Variants in CCDC92B observed in about 807,000 individuals in gnomAD.
CCDC92B encodes the protein coiled-coil domain-containing 92B.
Under a neutral mutation model 5.6 loss-of-function variants are expected in CCDC92B, and 2 were observed. The observed-to-expected ratio is 0.36, with a 90% CI of 0.15 to 1.12. CCDC92B has a LOEUF of 1.12. Among genes scored for constraint, CCDC92B ranks in the 50% most tolerant of loss-of-function variants. CCDC92B has a pLI of 0.40. For synonymous variants in CCDC92B, 115 were observed against 122.3 expected, an observed-to-expected ratio of 0.94 and a Z score of 0.39; for missense variants, 271 against 262.2, an observed-to-expected ratio of 1.03 and a Z score of -0.23.
Position 2,723,994 on chromosome 17 carries a change from T to C in CCDC92B, c.*417A>G, listed in dbSNP as rs1413303737. On this transcript the variant is annotated 3_prime_UTR_variant, in exon 4 of 4. Transcript: ENST00000614400. ...GTGGGGGAGGCGGGGGGTGGGGAGC[T>C]AGAGGGCCTGGGGCGCCAATGCCAC... 1.0e-6 allele frequency: 1 copy of C among 974,400 alleles called. No homozygotes were observed. The highest frequency in any genetic ancestry group is 1.8e-5 in the African/African-American group (1 of 56,082). The allele number at this position is 974,400 out of a possible 1,614,324, so 60.4% of individuals were successfully genotyped here. A position where few individuals can be genotyped will look rare whatever the true frequency, so the allele number is the denominator to read the frequency against.
intron 3 of CCDC92B, among the ~76,000 whole-genome samples, chr17:2,727,622 GAGACCAGCC>G (rs2070744888): frequency 6.6e-6 from 1 of 151,892 alleles, no homozygotes; most frequent in African/African-American, 2.4e-5. Context: ...TCAGGAGTTC[GAGACCAGCC>G]TGGCCAGCAT....
chr17:2,743,886 T>A (rs1387736171), intron 1 of CCDC92B, among the ~76,000 whole-genome samples: 1 of 152,202 alleles, frequency 6.6e-6, no homozygotes, highest in Non-Finnish European at 1.5e-5. Flanking sequence ...GTATTTTTTT[T>A]TATTTTTTTG....
At chr17:2,740,803 AC>A (rs1048893581) in intron 1 of CCDC92B, among the ~76,000 whole-genome samples, 1 of 151,804 alleles carries the variant, frequency 6.6e-6, no homozygotes, top group Non-Finnish European at 1.5e-5. Flanking sequence ...CCTCGTCTCT[AC>A]AAAAATACAA....
rs749252 is a variant in CCDC92B at position 2,723,972 on chromosome 17, G to A, written c.*439C>T. On this transcript the variant is annotated 3_prime_UTR_variant, in exon 4 of 4. Transcript: ENST00000614400. ...CGGGAAGGGCGTCGGCGCGGGGGTGGGGGAGGCGGGGGGTGGGGAGCTAGA... is the reference window on the plus strand; with the variant it reads ...CGGGAAGGGCGTCGGCGCGGGGGTGAGGGAGGCGGGGGGTGGGGAGCTAGA... 61,445 of 962,670 alleles carry A rather than the reference G, an allele frequency of 0.064. 2,268 individuals are homozygous for A. Among genetic ancestry groups the A allele is most frequent in the South Asian group, 0.2 (4,052 of 20,752 alleles). The allele number at this position is 962,670 out of a possible 1,614,324, so 59.6% of individuals were successfully genotyped here.
At position 2,724,269 on chromosome 17, in the gene CCDC92B, T is replaced by G. The variant is rs977615264; in HGVS notation, c.*142A>C. ...TACAAAAGGCTGGCGGTTCGGGGAT[T>G]TGGGGGGAGCCGGGGCCGCCTCGCC... On this transcript the variant is annotated 3_prime_UTR_variant, in exon 4 of 4. Transcript: ENST00000614400. The surrounding 1 kb of genome is among the most constrained non-coding windows in gnomAD (Gnocchi z 5.0). 7 of 984,992 alleles carry G rather than the reference T, an allele frequency of 7.1e-6. No homozygotes were observed. In the South Asian group the frequency reaches 3.3e-4, roughly 46 times the overall value. The allele number at this position is 984,992 out of a possible 1,614,324, so 61.0% of individuals were successfully genotyped here.
intron 1 of CCDC92B, chr17:2,748,148 A>T: frequency 1.9e-6 from 1 of 533,374 alleles, no homozygotes; most frequent in Non-Finnish European, 3.8e-6. Flanking sequence ...CTGCAGGCTG[A>T]TCTTCTTCTC....
At chr17:2,746,833 A>T (rs1308829217) in intron 1 of CCDC92B, among the ~76,000 whole-genome samples, 1 of 151,552 alleles carries the variant, frequency 6.6e-6, no homozygotes, top group Non-Finnish European at 1.5e-5. Flanking sequence ...CAACACACCC[A>T]GCTATTTTTT....
chr17:2,736,891 T>A (rs896990628), intron 1 of CCDC92B, among the ~76,000 whole-genome samples: 1 of 143,648 alleles, frequency 7.0e-6, no homozygotes, highest in African/African-American at 2.8e-5. Flanking sequence ...AAAAAATAAA[T>A]AAATAAATAA....
intron 3 of CCDC92B, among the ~76,000 whole-genome samples, chr17:2,727,783 C>T (rs1383336495): frequency 6.7e-6 from 1 of 149,296 alleles, no homozygotes; most frequent in East Asian, 2.0e-4. Context: ...GAGATCGCGC[C>T]ACTGCACTCC....
intron 1 of CCDC92B, among the ~76,000 whole-genome samples, chr17:2,746,491 G>A (rs2070988346): frequency 6.6e-6 from 1 of 152,068 alleles, no homozygotes; most frequent in East Asian, 1.9e-4. Flanking sequence ...CCCCAAACAC[G>A]GGTAGAGTGT....
At position 2,723,214 on chromosome 17, in the gene CCDC92B, A is replaced by T. The variant is rs949380504; in HGVS notation, c.*1197T>A. Reference sequence around the variant, plus strand: ...CTTCTTTTTTTCGTTTTTGAGACGGAGTTTTGCTCTTGTTGCCCAGGCTGG... The same window carrying T: ...CTTCTTTTTTTCGTTTTTGAGACGGTGTTTTGCTCTTGTTGCCCAGGCTGG... On this transcript the variant is annotated 3_prime_UTR_variant, in exon 4 of 4. Coordinates refer to ENST00000614400, the MANE Select transcript of CCDC92B (RefSeq NM_001355573.2). 6.6e-6 allele frequency: 1 copy of T among 152,586 alleles called. No individual in the cohort carries two copies. Among genetic ancestry groups the T allele is most frequent in the Non-Finnish European group, 1.5e-5 (1 of 68,464 alleles). 9.5% of individuals were successfully genotyped at this position (152,586 alleles called of 1,614,324 possible). A position where few individuals can be genotyped will look rare whatever the true frequency, so the allele number is the denominator to read the frequency against.
chr17:2,744,167 C>T (rs879265721), intron 1 of CCDC92B, among the ~76,000 whole-genome samples: 13 of 151,902 alleles, frequency 8.6e-5, no homozygotes, highest in Non-Finnish European at 1.8e-4. Flanking sequence ...TGAGCCACGG[C>T]GCTGCACCCG....
chr17:2,744,830 G>C (rs954690678), intron 1 of CCDC92B, among the ~76,000 whole-genome samples: 2 of 152,072 alleles, frequency 1.3e-5, no homozygotes, highest in African/African-American at 4.8e-5. Flanking sequence ...GGAGACAGAG[G>C]TGAACAGATC....
At chr17:2,748,236 A>G in intron 1 of CCDC92B, 2 of 713,114 alleles carry the variant, frequency 2.8e-6, no homozygotes, top group Non-Finnish European at 4.6e-6. Context: ...CTCACTTACT[A>G]TATCCACCCT....
intron 3 of CCDC92B, 29 bp from the exon 4 acceptor site, chr17:2,725,029 G>C (rs1014803400): frequency 4.1e-6 from 4 of 985,134 alleles, no homozygotes; most frequent in Non-Finnish European, 4.8e-6. Flanking sequence ...CAGAGGTGAC[G>C]GTCTCCCCCT....
chr17:2,724,155 T>G lies in CCDC92B; in HGVS notation c.*256A>C. The stretch of plus-strand genomic sequence containing the variant: ...ACCAGGCCAGGATCGGGACGGCGAG[T>G]CCTCTCGGTAGAGAAGGTGCCCCCG... On this transcript the variant is annotated 3_prime_UTR_variant, in exon 4 of 4. Coordinates refer to ENST00000614400, the MANE Select transcript of CCDC92B (RefSeq NM_001355573.2). This position sits in a 1 kb window ranked among gnomAD's most constrained non-coding sequence, Gnocchi z 5.0. 1 of 984,710 alleles carries G rather than the reference T, an allele frequency of 1.0e-6. No individual in the cohort carries two copies. The highest frequency in any genetic ancestry group is 1.2e-6 in the Non-Finnish European group (1 of 829,764). The allele number at this position is 984,710 out of a possible 1,614,324, so 61.0% of individuals were successfully genotyped here.
In CCDC92B at chr17:2,749,525, G is replaced by C. The variant is rs1361293903; in HGVS notation, c.-138C>G. The C allele has an allele frequency of 6.7e-6, 1 of 149,508 alleles. No homozygotes were observed. Among genetic ancestry groups the C allele is most frequent in the Admixed American group, 6.6e-5 (1 of 15,058 alleles). 9.3% of individuals were successfully genotyped at this position (149,508 alleles called of 1,614,324 possible). ...CCCGGGGATCTGCAGCGCCCGCCCCGGCTGCGGCGCCATCAGCTGCTGGGA... is the reference window on the plus strand; with the variant it reads ...CCCGGGGATCTGCAGCGCCCGCCCCCGCTGCGGCGCCATCAGCTGCTGGGA... On this transcript the variant is annotated 5_prime_UTR_variant, in exon 1 of 4. Coordinates refer to ENST00000614400, the MANE Select transcript of CCDC92B (RefSeq NM_001355573.2).
At chr17:2,749,045 T>C (rs901728754) in intron 1 of CCDC92B, among the ~76,000 whole-genome samples, 2 of 152,162 alleles carry the variant, frequency 1.3e-5, no homozygotes, top group Non-Finnish European at 2.9e-5. Context: ...GCCCTGATTA[T>C]GCCTCCAATA....
chr17:2,724,144 G>A lies in CCDC92B; in HGVS notation c.*267C>T. 5.1e-6 allele frequency: 5 copies of A among 985,400 alleles called. No individual in the cohort carries two copies. Among genetic ancestry groups the A allele is most frequent in the Non-Finnish European group, 6.0e-6 (5 of 829,900 alleles). 61.0% of individuals were successfully genotyped at this position (985,400 alleles called of 1,614,324 possible). On this transcript the variant is annotated 3_prime_UTR_variant, in exon 4 of 4. Coordinates refer to ENST00000614400, the MANE Select transcript of CCDC92B (RefSeq NM_001355573.2). The surrounding 1 kb of genome is among the most constrained non-coding windows in gnomAD (Gnocchi z 5.0). ...AGGCAGGTGGGACCAGGCCAGGATC[G>A]GGACGGCGAGTCCTCTCGGTAGAGA...
Sources: gnomAD v4.1 joint callset for allele counts (sites outside exome capture counted in the v4.1 genomes callset) on GRCh38, gnomAD v4.1.1 for gene constraint, Gnocchi (gnomAD v3.1) non-coding constraint, MANE v1.5 for transcripts, NCBI Gene and HGNC (gene_info 2026-07-23, HGNC 2026-07-21) for gene names.